The following SYNPO2 variants were observed in gnomAD, a reference collection of about 807,000 sequenced individuals.
The protein encoded by SYNPO2 is synaptopodin-2.
In SYNPO2, 56 loss-of-function variants were observed where a neutral mutation model predicts 85.0. That is an observed-to-expected ratio of 0.66 (90% CI 0.53 to 0.82). The LOEUF (loss-of-function observed/expected upper bound fraction) is 0.82, where lower values mean the gene tolerates loss of function less well. SYNPO2 is among the 40% of genes least tolerant of loss of function. The probability of loss-of-function intolerance (pLI) is 0.00; values close to 1 mark genes in which losing one functional copy is unlikely to be tolerated. For synonymous variants in SYNPO2, 602 were observed against 591.1 expected (o/e 1.02, Z -0.27); for missense variants, 1,575 against 1,534.2 (o/e 1.03, Z -0.44).
At chr4:119,032,424 A>G (rs1169636011) in intron 4 of SYNPO2, 4 of 1,120,260 alleles carry the variant, frequency 3.6e-6, no homozygotes, top group Non-Finnish European at 4.4e-6. Context: ...CCTATGGTGA[A>G]AGGTTCAAAT....
chr4:118,890,221 T>G (rs1732317752), intron 1 of SYNPO2, among the ~76,000 whole-genome samples: 1 of 152,092 alleles, frequency 6.6e-6, no homozygotes. Context: ...GAAACTCCTT[T>G]TTGCTTCCAG....
chr4:118,862,089 T>C (rs1731621241), intron 1 of SYNPO2, among the ~76,000 whole-genome samples: 1 of 152,236 alleles, frequency 6.6e-6, no homozygotes, highest in African/African-American at 2.4e-5. Context: ...GTATTTTATT[T>C]GTAGCTATTG....
chr4:119,057,279 ATTTATT>A (rs1308709282), intron 4 of SYNPO2, 116 bp from the exon 5 acceptor site: 2 of 1,113,422 alleles, frequency 1.8e-6, no homozygotes, highest in African/African-American at 3.2e-5. Flanking sequence ...TGGGGGGTTA[ATTTATT>A]TTTATTTTTA....
chr4:118,985,685 A>G (rs1221886902), intron 1 of SYNPO2, among the ~76,000 whole-genome samples: 3 of 152,252 alleles, frequency 2.0e-5, no homozygotes, highest in Admixed American at 6.5e-5. Context: ...ATCAATGCCA[A>G]TTAGGCATCT....
At chr4:118,866,339 G>T (rs1211248471) in intron 1 of SYNPO2, among the ~76,000 whole-genome samples, 1 of 152,100 alleles carries the variant, frequency 6.6e-6, no homozygotes, top group Non-Finnish European at 1.5e-5. Flanking sequence ...CCCAAACATT[G>T]TCAGATGTGC....
At chr4:119,007,698 G>A (rs1261528387) in intron 1 of SYNPO2, among the ~76,000 whole-genome samples, 1 of 152,030 alleles carries the variant, frequency 6.6e-6, no homozygotes, top group Non-Finnish European at 1.5e-5. Flanking sequence ...CCTAGTGCCA[G>A]GAGTGTCATG....
chr4:118,990,643 C>T (rs550093873), intron 1 of SYNPO2, among the ~76,000 whole-genome samples: 2 of 151,910 alleles, frequency 1.3e-5, no homozygotes, highest in East Asian at 1.9e-4. Context: ...GAATCTCGCT[C>T]GGTCGCCCAG....
intron 4 of SYNPO2, chr4:119,037,032 C>T: frequency 1.5e-6 from 2 of 1,379,192 alleles, no homozygotes; most frequent in South Asian, 1.9e-5. Context: ...TTTTTGGTTC[C>T]AAATGTAAAG....
At chr4:118,863,178 T>A (rs983179986) in intron 1 of SYNPO2, among the ~76,000 whole-genome samples, 1 of 152,244 alleles carries the variant, frequency 6.6e-6, no homozygotes. Context: ...CCTCATAGAT[T>A]GATTGTGGAA....
chr4:119,041,113 A>G (rs1738703268), intron 4 of SYNPO2, among the ~76,000 whole-genome samples: 1 of 152,206 alleles, frequency 6.6e-6, no homozygotes, highest in Non-Finnish European at 1.5e-5. Flanking sequence ...TACTTCTAGA[A>G]TCCTTCTGAG....
chr4:118,856,274 A>G (rs1483417623), intron 1 of SYNPO2, among the ~76,000 whole-genome samples: 2 of 152,194 alleles, frequency 1.3e-5, no homozygotes, highest in African/African-American at 4.8e-5. Context: ...AATAGGGTTA[A>G]ATACATTGTT....
At chr4:119,038,597 A>G in intron 4 of SYNPO2, 6 of 976,006 alleles carry the variant, frequency 6.1e-6, no homozygotes, top group Non-Finnish European at 7.3e-6. Context: ...GTGAATCAGC[A>G]CCTAGCATGG....
chr4:118,889,711 A>G (rs1265414190), intron 1 of SYNPO2, among the ~76,000 whole-genome samples: 4 of 152,266 alleles, frequency 2.6e-5, no homozygotes, highest in Non-Finnish European at 5.9e-5. Flanking sequence ...CAAAAATCCA[A>G]TAAATGCTGT....
At chr4:119,054,918 G>A (rs1027133288) in intron 4 of SYNPO2, among the ~76,000 whole-genome samples, 24 of 152,008 alleles carry the variant, frequency 1.6e-4, no homozygotes, top group Admixed American at 3.9e-4. Flanking sequence ...CAAAATCATG[G>A]GACTCTGAAA....
At chr4:118,897,356 G>A (rs1170905642) in intron 1 of SYNPO2, among the ~76,000 whole-genome samples, 1 of 152,080 alleles carries the variant, frequency 6.6e-6, no homozygotes, top group Non-Finnish European at 1.5e-5. Flanking sequence ...AGATTTCAGT[G>A]GGGACACAGA....
intron 1 of SYNPO2, among the ~76,000 whole-genome samples, chr4:118,985,804 C>T (rs1175044247): frequency 2.6e-5 from 4 of 152,200 alleles, no homozygotes; most frequent in African/African-American, 9.7e-5. Context: ...CCATGTCATC[C>T]ACAGTTGGCT....
intron 1 of SYNPO2, among the ~76,000 whole-genome samples, chr4:119,015,843 A>G (rs1382900987): frequency 6.6e-6 from 1 of 152,140 alleles, no homozygotes; most frequent in African/African-American, 2.4e-5. Flanking sequence ...GAGTGGCCCA[A>G]TCTTCTGAGC....
In SYNPO2 at chr4:118,933,829, G is replaced by GTTGTT. The variant is rs1553939088; in HGVS notation, c.105+44690_105+44691insGTTTT. ...ATAGCTGCTTTTTGCTGTTGTTGTT[G>GTTGTT]TTTTTTTTTTTTTTTTTGGACAGTA... On this transcript the variant is annotated intron_variant, in intron 1 of 4. Coordinates refer to ENST00000307142, the MANE Select transcript of SYNPO2 (RefSeq NM_133477.3). Among the ~76,000 whole-genome samples the GTTGTT allele has an allele frequency of 1.2e-3, 120 of 102,328 alleles. 4 individuals are homozygous for GTTGTT. Among genetic ancestry groups the GTTGTT allele is most frequent in the East Asian group, 3.9e-3 (12 of 3,060 alleles). The allele number at this position is 102,328 out of a possible 152,430, so 67.1% of individuals were successfully genotyped here. A position where few individuals can be genotyped will look rare whatever the true frequency, so the allele number is the denominator to read the frequency against.
intron 1 of SYNPO2, among the ~76,000 whole-genome samples, chr4:118,924,106 G>T (rs1461523437): frequency 6.6e-6 from 1 of 152,102 alleles, no homozygotes; most frequent in Non-Finnish European, 1.5e-5. Flanking sequence ...AATGTGAAAG[G>T]CAGTACCCAA....
Sources: gnomAD v4.1 joint callset for allele counts (sites outside exome capture counted in the v4.1 genomes callset) on GRCh38, gnomAD v4.1.1 for gene constraint, MANE v1.5 for transcripts, NCBI Gene and HGNC (gene_info 2026-07-23, HGNC 2026-07-21) for gene names.